The following SRGAP3 variants were observed in gnomAD, a reference collection of about 807,000 sequenced individuals.
The protein encoded by SRGAP3 is SLIT-ROBO Rho GTPase-activating protein 3.
Under a neutral mutation model 121.1 loss-of-function variants are expected in SRGAP3, and 39 were observed. The ratio of observed to expected loss-of-function variants is 0.32; its 90% CI spans 0.25 to 0.42. SRGAP3 has a LOEUF of 0.42. Among genes scored for constraint, SRGAP3 ranks in the 10% least tolerant of loss-of-function variants. SRGAP3 has a pLI of 1.00. For synonymous variants in SRGAP3, 601 were observed against 570.0 expected, an observed-to-expected ratio of 1.05 and a Z score of -0.77; for missense variants, 1,213 against 1,470.6, an observed-to-expected ratio of 0.82 and a Z score of 2.86.
At chr3:9,334,903 A>G (rs1955667072) in intron 1 of SRGAP3, among the ~76,000 whole-genome samples, 1 of 152,196 alleles carries the variant, frequency 6.6e-6, no homozygotes, top group Non-Finnish European at 1.5e-5. Context: ...TTGTTGGGAT[A>G]ACGGGTGTGG....
chr3:9,195,870 C>T (rs769156138), intron 1 of SRGAP3, among the ~76,000 whole-genome samples: 1 of 152,080 alleles, frequency 6.6e-6, no homozygotes, highest in Admixed American at 6.6e-5. Context: ...GCAGGAGGAT[C>T]ACTTGAGCCC....
intron 4 of SRGAP3, among the ~76,000 whole-genome samples, chr3:9,076,256 G>T (rs1339596624): frequency 6.6e-6 from 1 of 152,190 alleles, no homozygotes; most frequent in Non-Finnish European, 1.5e-5. Flanking sequence ...TTTCGAGGTA[G>T]TTTGTTACAC....
intron 1 of SRGAP3, among the ~76,000 whole-genome samples, chr3:9,336,728 G>T (rs938058277): frequency 6.6e-6 from 1 of 152,066 alleles, no homozygotes; most frequent in Non-Finnish European, 1.5e-5. Flanking sequence ...GTTGAGAAAT[G>T]GAAGTAAATA....
chr3:9,040,852 T>A (rs1944978224), intron 10 of SRGAP3, among the ~76,000 whole-genome samples: 1 of 152,376 alleles, frequency 6.6e-6, no homozygotes, highest in South Asian at 2.1e-4. Flanking sequence ...TAGCTTATCA[T>A]TAATATTTTT....
intron 3 of SRGAP3, among the ~76,000 whole-genome samples, chr3:9,319,679 A>G (rs1190096015): frequency 2.0e-5 from 3 of 151,906 alleles, no homozygotes; most frequent in Admixed American, 1.3e-4. Flanking sequence ...TGAATCCCTC[A>G]AATTCTCACT....
chr3:9,192,218 C>A (rs1951773745), intron 1 of SRGAP3, among the ~76,000 whole-genome samples: 4 of 152,216 alleles, frequency 2.6e-5, no homozygotes, highest in Admixed American at 2.6e-4. Context: ...CGGGAAATAA[C>A]CTCTGAGCCC....
intron 15 of SRGAP3, 95 bp from the exon 16 acceptor site, chr3:9,013,937 G>T: frequency 8.9e-7 from 1 of 1,124,288 alleles, no homozygotes. Flanking sequence ...AACCCACGTG[G>T]ATGGGGGAGC....
At chr3:9,056,372 GC>G in intron 7 of SRGAP3, 38 bp from the exon 8 acceptor site, 1 of 1,600,034 alleles carries the variant, frequency 6.2e-7, no homozygotes. Context: ...GTTGCCCTGT[GC>G]CCTCCTCACC....
intron 1 of SRGAP3, among the ~76,000 whole-genome samples, chr3:9,127,400 T>C (rs1430783576): frequency 6.6e-6 from 1 of 152,172 alleles, no homozygotes; most frequent in Non-Finnish European, 1.5e-5. Flanking sequence ...TTGTTAGAAA[T>C]ACAGAGGCCT....
At chr3:9,362,176 T>TC (rs1244505513) in intron 1 of SRGAP3, among the ~76,000 whole-genome samples, 2 of 139,960 alleles carry the variant, frequency 1.4e-5, no homozygotes, top group African/African-American at 5.3e-5. Context: ...TTTTTTTTTT[T>TC]TTTTTTTTTT....
At chr3:9,302,449 C>G (rs11924902) in intron 3 of SRGAP3, among the ~76,000 whole-genome samples, 28,336 of 152,010 alleles carry the variant, frequency 0.19, 2,919 homozygotes, top group Non-Finnish European at 0.23. Flanking sequence ...CCAGGCATGA[C>G]ATGGTGTCTG....
chr3:9,294,493 C>A (rs1954918117), intron 3 of SRGAP3, among the ~76,000 whole-genome samples: 1 of 151,916 alleles, frequency 6.6e-6, no homozygotes, highest in Non-Finnish European at 1.5e-5. Flanking sequence ...ACCTATGTAG[C>A]AAACCTGCAC....
rs773105873 is a variant in SRGAP3, at chr3:9,010,369, C to T, written c.2166G>A (p.Glu722=). Residue 722 remains glutamate, a synonymous_variant, in exon 18 of 22, where the codon GAG becomes GAA. Transcript: ENST00000383836. ...GEEYCDSPHS[E]PGAIDEVDHD... ...GGTCAACTTCATCGATGGCCCCTGG[C>T]TCGCTGTGTGGGCTGTCACTGCAAG... The T allele has an allele frequency of 1.9e-6, 3 of 1,614,132 alleles. No individual in the cohort carries two copies. Among genetic ancestry groups the T allele is most frequent in the South Asian group, 2.2e-5 (2 of 91,082 alleles).
rs1481891960 is a variant in SRGAP3, at chr3:9,008,101, AAAG to A, written c.2227+2204_2227+2206del. ...AAACCAGCAGCCTTACAAAGAACAA[AAAG>A]AAGAAGGATCATCTCGGAGGGGGAC... On this transcript the variant is annotated intron_variant, in intron 18 of 21. Coordinates refer to ENST00000383836, the MANE Select transcript of SRGAP3 (RefSeq NM_014850.4). 9.2e-5 allele frequency: 14 copies of A among 152,356 alleles called. No homozygotes were observed. In the East Asian group the frequency reaches 2.7e-3, roughly 29 times the overall value. 9.4% of individuals were successfully genotyped at this position (152,356 alleles called of 1,614,324 possible).
At chr3:9,091,055 T>C (rs576340745) in intron 3 of SRGAP3, among the ~76,000 whole-genome samples, 77 of 152,206 alleles carry the variant, frequency 5.1e-4, no homozygotes, top group South Asian at 1.0e-3. Context: ...TCTTAAAATG[T>C]TGAGTTTTAA....
intron 10 of SRGAP3, among the ~76,000 whole-genome samples, chr3:9,041,569 C>A (rs957217842): frequency 6.6e-6 from 1 of 152,190 alleles, no homozygotes; most frequent in Non-Finnish European, 1.5e-5. Flanking sequence ...TTTCTTTGGG[C>A]CTCCATATCC....
At chr3:9,100,514 G>A (rs1948175111) in intron 3 of SRGAP3, among the ~76,000 whole-genome samples, 1 of 152,136 alleles carries the variant, frequency 6.6e-6, no homozygotes, top group Non-Finnish European at 1.5e-5. Flanking sequence ...AGGACCTCTT[G>A]GCAGTTACCC....
chr3:9,300,226 C>G (rs940767664), intron 3 of SRGAP3, among the ~76,000 whole-genome samples: 2 of 146,968 alleles, frequency 1.4e-5, no homozygotes, highest in African/African-American at 2.5e-5. Context: ...ACTTGTGCTG[C>G]CTGACTCTCC....
rs998084813 is a variant in SRGAP3 at position 8,984,541 on chromosome 3, G to C, written c.*978C>G. On this transcript the variant is annotated 3_prime_UTR_variant, in exon 22 of 22. Transcript: ENST00000383836. ...AGGTTTTGGAGTATTCCACACCACT[G>C]TATTTTTATTTTTCCCAACCACATG... The C allele has an allele frequency of 4.3e-6, 1 of 232,468 alleles. No homozygotes were observed. The highest frequency in any genetic ancestry group is 5.6e-5 in the Admixed American group (1 of 17,774). 14.4% of individuals were successfully genotyped at this position (232,468 alleles called of 1,614,324 possible).
Sources: allele counts gnomAD v4.1 joint callset (sites outside exome capture counted in the v4.1 genomes callset), GRCh38; gene constraint gnomAD v4.1.1; transcripts MANE v1.5; gene names NCBI Gene and HGNC (gene_info 2026-07-23, HGNC 2026-07-21).